The following GCNA variants were observed in gnomAD, a reference collection of about 807,000 sequenced individuals.
The protein encoded by GCNA is germ cell nuclear acidic peptidase, also known as germ cell nuclear acidic protein.
In GCNA, 3 loss-of-function variants were observed where a neutral mutation model predicts 38.8. The ratio of observed to expected loss-of-function variants is 0.08; its 90% confidence interval spans 0.04 to 0.20. The LOEUF is 0.20. GCNA is among the 10% of genes least tolerant of loss of function. The pLI is 1.00. For missense variants in GCNA, 446 were observed against 578.6 expected, an observed-to-expected ratio of 0.77 and a Z score of 2.35; for synonymous variants, 195 against 240.2, an observed-to-expected ratio of 0.81 and a Z score of 1.74.
intron 7 of GCNA, among the ~76,000 whole-genome samples, chrX:71,601,730 G>C (rs1038305600): frequency 1.4e-4 from 16 of 110,718 alleles, no homozygotes; most frequent in African/African-American, 5.3e-4. Flanking sequence ...AGTTTTAGTA[G>C]AGATGGGGTT....
intron 2 of GCNA, among the ~76,000 whole-genome samples, chrX:71,587,360 C>T (rs1415307413): frequency 1.8e-5 from 2 of 109,489 alleles, no homozygotes; most frequent in Non-Finnish European, 3.8e-5. Flanking sequence ...GAAGTTGTAC[C>T]GAAATGCATA....
intron 4 of GCNA, among the ~76,000 whole-genome samples, chrX:71,592,959 T>C (rs1188167658): frequency 8.9e-6 from 1 of 112,148 alleles, no homozygotes. Context: ...AGTGGCACGA[T>C]CTCACCTCAC....
rs1393825368 is a variant in GCNA at position 71,597,945 on chromosome X, C to T, written c.222-5C>T. 2 of 1,198,003 alleles carry T rather than the reference C, an allele frequency of 1.7e-6. No individual in the cohort carries two copies. The highest frequency in any genetic ancestry group is 2.3e-6 in the Non-Finnish European group (2 of 883,775). On this transcript the variant is annotated splice_region_variant and splice_polypyrimidine_tract_variant and intron_variant, in intron 6 of 12. Coordinates refer to ENST00000373696, the MANE Select transcript of GCNA (RefSeq NM_052957.5). Reference sequence around the variant, plus strand: ...CTCTTGTTTTTCTCCTGTTTCATCACTCAGCTCCGTGGTAGTGATTGACTC... The same window carrying T: ...CTCTTGTTTTTCTCCTGTTTCATCATTCAGCTCCGTGGTAGTGATTGACTC...
intron 7 of GCNA, among the ~76,000 whole-genome samples, chrX:71,598,437 G>T (rs998286579): frequency 8.9e-6 from 1 of 112,087 alleles, no homozygotes; most frequent in African/African-American, 3.2e-5. Context: ...AAGAGGCCTG[G>T]CTCATTCTTC....
chrX:71,609,061 G>C lies in GCNA; in HGVS notation c.1555G>C (p.Asp519His). The C allele has an allele frequency of 8.3e-7, 1 of 1,211,130 alleles. No homozygotes were observed. Among genetic ancestry groups the C allele is most frequent in the Non-Finnish European group, 1.1e-6 (1 of 895,243 alleles). Residue 519 changes from aspartate (D) to histidine (H), a missense_variant, in exon 10 of 13, where the codon GAT becomes CAT. By Grantham distance (81) the Asp-to-His change is moderately conservative. Around this residue, in one of 7 missense-constraint regions of GCNA, gnomAD observed 160 missense variants for 165.2 expected, o/e 0.97. Coordinates refer to ENST00000373696, the MANE Select transcript of GCNA (RefSeq NM_052957.5). ...TGGAAAAAATTTAAAGCGAAATAAG[G>C]ATGAATTGGTTCAGAGAATCTACGA... ...YSGKNLKRNK[D>H]ELVQRIYDLF...
At chrX:71,607,377 C>T (rs772026535) in intron 9 of GCNA, among the ~76,000 whole-genome samples, 53 of 112,106 alleles carry the variant, frequency 4.7e-4, no homozygotes, top group Middle Eastern at 4.6e-3. Context: ...TAGTTTGTGA[C>T]TTAAGGGTTA....
rs1175008123 is a variant in GCNA at position 71,604,403 on chromosome X, G to C, written c.1126G>C (p.Gly376Arg). The change falls in exon 8 of 13, where the codon GGT (glycine) becomes CGT (arginine). Residue 376 changes from glycine to arginine, a missense_variant. Physicochemically the swap from Gly to Arg is moderately radical, Grantham distance 125 (BLOSUM62 -2). This residue lies in a region of GCNA where 160 missense variants were observed against 165.2 expected (regional missense o/e 0.97). Coordinates refer to ENST00000373696, the MANE Select transcript of GCNA (RefSeq NM_052957.5). ...SSDDAGEQDL[G>R]ENLSKPPSDP... ...TGATGATGCTGGTGAGCAGGATCTTGGTGAGAATCTCAGCAAACCACCAAG... is the reference window on the plus strand; with the variant it reads ...TGATGATGCTGGTGAGCAGGATCTTCGTGAGAATCTCAGCAAACCACCAAG... The C allele has an allele frequency of 3.3e-6, 4 of 1,209,618 alleles. No homozygotes were observed. The East Asian group carries it at 1.2e-4, about 36-fold the overall frequency.
intron 2 of GCNA, among the ~76,000 whole-genome samples, chrX:71,591,774 G>A (rs2040630503): frequency 1.8e-5 from 2 of 112,100 alleles, no homozygotes; most frequent in Non-Finnish European, 3.8e-5. Context: ...CAAGTTGGTG[G>A]GATTACAGGC....
chrX:71,597,624 A>T (rs1163911647), intron 6 of GCNA, among the ~76,000 whole-genome samples: 1 of 111,395 alleles, frequency 9.0e-6, no homozygotes, highest in Non-Finnish European at 1.9e-5. Context: ...AAAGATGACA[A>T]CTCCCTGATC....
In GCNA at chrX:71,604,635, G is replaced by A; in HGVS notation, c.1358G>A (p.Arg453Lys). 8.3e-7 allele frequency: 1 copy of A among 1,207,113 alleles called. No individual in the cohort carries two copies. Among genetic ancestry groups the A allele is most frequent in the Non-Finnish European group, 1.1e-6 (1 of 893,247 alleles). The stretch of plus-strand genomic sequence containing the variant: ...ACCAAAAATATAGTGGAGCCACTGA[G>A]GAAGAGGAAGGCGAAAACCAAAAAT... ...TKTKNIVEPL[R>K]KRKAKTKNVS... Residue 453 changes from arginine (R) to lysine (K), a missense_variant, in exon 8 of 13, where the codon AGG becomes AAG. Arg to Lys is a conservative substitution (Grantham distance 26). Around this residue, in one of 7 missense-constraint regions of GCNA, gnomAD observed 160 missense variants for 165.2 expected, o/e 0.97. Transcript: ENST00000373696.
intron 4 of GCNA, among the ~76,000 whole-genome samples, chrX:71,593,185 C>T (rs1045171781): frequency 1.8e-4 from 20 of 112,340 alleles, no homozygotes; most frequent in Admixed American, 4.7e-4. Flanking sequence ...TGAACCACTG[C>T]ACCTGGCCTA....
chrX:71,582,689 A>C (rs1170104916), intron 2 of GCNA, among the ~76,000 whole-genome samples: 4 of 112,073 alleles, frequency 3.6e-5, no homozygotes, highest in Non-Finnish European at 7.5e-5. Context: ...AAATGTGATT[A>C]TATCATACAT....
intron 2 of GCNA, among the ~76,000 whole-genome samples, chrX:71,591,116 C>T (rs1308602715): frequency 5.4e-5 from 6 of 111,130 alleles, no homozygotes; most frequent in Non-Finnish European, 9.4e-5. Context: ...TGTAGCCAGG[C>T]GCCACATTGG....
In GCNA at chrX:71,604,683, C is replaced by T; in HGVS notation, c.1399+7C>T. ...AATGTATCTGTGACACCTGGTAAGC[C>T]AGTCATGCCAAGTATGCCTGTCCCA... On this transcript the variant is annotated splice_region_variant and intron_variant, in intron 8 of 12. Transcript: ENST00000373696. 1 of 1,208,274 alleles carries T rather than the reference C, an allele frequency of 8.3e-7. No homozygotes were observed. The highest frequency in any genetic ancestry group is 1.1e-6 in the Non-Finnish European group (1 of 894,208).
At position 71,603,592 on chromosome X, in the gene GCNA, G is replaced by A. The variant is rs776066678; in HGVS notation, c.315G>A (p.Glu105=). ...AKLLEINSDD[E]SPECCHVKPA... ...ATTGTGTCTCTTGAATTTCAGATGA[G>A]AGTCCGGAGTGTTGTCATGTGAAGC... The change falls in exon 8 of 13, where the codon GAG becomes GAA. Residue 105 remains glutamate, a synonymous_variant. Coordinates refer to ENST00000373696, the MANE Select transcript of GCNA (RefSeq NM_052957.5). 2 of 1,203,758 alleles carry A rather than the reference G, an allele frequency of 1.7e-6. No homozygotes were observed. Among genetic ancestry groups the A allele is most frequent in the Non-Finnish European group, 2.2e-6 (2 of 891,346 alleles).
At chrX:71,595,011 A>G (rs1352073434) in intron 6 of GCNA, among the ~76,000 whole-genome samples, 4 of 109,704 alleles carry the variant, frequency 3.6e-5, no homozygotes, top group African/African-American at 1.3e-4. Context: ...TCTTTGAGGT[A>G]TCTCTGTGAA....
intron 6 of GCNA, 44 bp from the exon 7 acceptor site, chrX:71,597,906 G>A (rs777744575): frequency 2.8e-5 from 28 of 1,000,924 alleles, no homozygotes; most frequent in Non-Finnish European, 3.7e-5. Flanking sequence ...GAAGACTGTT[G>A]CGTTCATACT....
chrX:71,578,708 G>T (rs969329082), intron 1 of GCNA, among the ~76,000 whole-genome samples, 186 bp downstream of exon 1: 1 of 111,620 alleles, frequency 9.0e-6, no homozygotes, highest in Non-Finnish European at 1.9e-5. Context: ...GTAGCATTGG[G>T]GGAGGTGGGG....
intron 4 of GCNA, among the ~76,000 whole-genome samples, chrX:71,592,772 A>G (rs1240857756): frequency 1.9e-5 from 2 of 107,629 alleles, no homozygotes; most frequent in East Asian, 5.9e-4. Context: ...CTGACCCATT[A>G]TCTAACTGGT....
Sources: allele counts gnomAD v4.1 joint callset (sites outside exome capture counted in the v4.1 genomes callset), GRCh38; gene constraint gnomAD v4.1.1; regional missense constraint gnomAD v4.1.1; transcripts MANE v1.5; gene names NCBI Gene and HGNC (gene_info 2026-07-23, HGNC 2026-07-21).